MYO3B: variants seen among roughly 807,000 people sequenced by gnomAD.
MYO3B encodes myosin-IIIb.
A neutral mutation model predicts 174.6 loss-of-function variants in MYO3B; 156 were observed. The observed-to-expected ratio is 0.89, with a 90% CI of 0.78 to 1.02. The LOEUF (loss-of-function observed/expected upper bound fraction) is 1.02, where lower values mean the gene tolerates loss of function less well. MYO3B is among the 50% of genes least tolerant of loss of function. The pLI is 0.00. For synonymous variants in MYO3B, 563 were observed against 569.1 expected, an observed-to-expected ratio of 0.99 and a Z score of 0.15; for missense variants, 1,632 against 1,639.4, an observed-to-expected ratio of 1.00 and a Z score of 0.08.
chr2:170,402,788 T>C, intron 18 of MYO3B, 60 bp from the exon 19 acceptor site: 1 of 1,499,390 alleles, frequency 6.7e-7, no homozygotes. Flanking sequence ...ACATATATTC[T>C]CATCCTCTTT....
At chr2:170,622,875 A>G (rs537887003) in intron 32 of MYO3B, among the ~76,000 whole-genome samples, 1 of 152,220 alleles carries the variant, frequency 6.6e-6, no homozygotes, top group African/African-American at 2.4e-5. Flanking sequence ...TTCCAGCTTC[A>G]TCCATGTCCC....
intron 9 of MYO3B, among the ~76,000 whole-genome samples, chr2:170,379,869 A>G (rs1401297664): frequency 1.3e-5 from 2 of 152,248 alleles, no homozygotes; most frequent in East Asian, 3.8e-4. Context: ...CAAATTTATC[A>G]GTGATGGAGA....
At chr2:170,504,587 T>A (rs533959212) in intron 28 of MYO3B, among the ~76,000 whole-genome samples, 85 of 152,208 alleles carry the variant, frequency 5.6e-4, no homozygotes, top group Non-Finnish European at 1.1e-3. Context: ...AATTAATTCT[T>A]GCTGGTATGC....
At chr2:170,640,455 C>T (rs375067718) in intron 32 of MYO3B, 2 of 152,182 alleles carry the variant, frequency 1.3e-5, no homozygotes, top group Non-Finnish European at 2.9e-5. Flanking sequence ...TTATCATACT[C>T]CAGTTTTTCT....
intron 32 of MYO3B, among the ~76,000 whole-genome samples, chr2:170,579,825 A>G (rs1291724525): frequency 6.6e-6 from 1 of 152,214 alleles, no homozygotes; most frequent in Non-Finnish European, 1.5e-5. Context: ...AGTGCCTCTG[A>G]TGACCATACG....
chr2:170,497,278 G>A (rs970171788), intron 25 of MYO3B, among the ~76,000 whole-genome samples: 2 of 152,068 alleles, frequency 1.3e-5, no homozygotes, highest in Admixed American at 6.5e-5. Context: ...TTTCGATTCT[G>A]TTTCTCCACA....
intron 22 of MYO3B, among the ~76,000 whole-genome samples, chr2:170,412,710 T>C (rs1374345126): frequency 6.6e-6 from 1 of 152,208 alleles, no homozygotes; most frequent in African/African-American, 2.4e-5. Flanking sequence ...TATCCATCTC[T>C]CAGTTTCCAT....
At chr2:170,537,820 C>T (rs1380299420) in intron 30 of MYO3B, among the ~76,000 whole-genome samples, 1 of 152,124 alleles carries the variant, frequency 6.6e-6, no homozygotes, top group East Asian at 1.9e-4. Flanking sequence ...GATTGCCTTT[C>T]TTTTGGGGCT....
chr2:170,404,500 T>G, intron 20 of MYO3B, 100 bp downstream of exon 20: 1 of 1,255,860 alleles, frequency 8.0e-7, no homozygotes, highest in Non-Finnish European at 1.1e-6. Context: ...CATATTTTGT[T>G]TATATGGTGG....
chr2:170,473,020 G>A (rs1228881564), intron 25 of MYO3B, among the ~76,000 whole-genome samples: 1 of 151,606 alleles, frequency 6.6e-6, no homozygotes, highest in African/African-American at 2.4e-5. Flanking sequence ...CTTTATGTCT[G>A]TATTGTCCGA....
intron 8 of MYO3B, among the ~76,000 whole-genome samples, chr2:170,356,082 T>C (rs951859695): frequency 3.9e-5 from 6 of 152,154 alleles, no homozygotes; most frequent in African/African-American, 1.2e-4. Flanking sequence ...TGCCTCAGCC[T>C]CCCAAGTAGC....
intron 8 of MYO3B, among the ~76,000 whole-genome samples, chr2:170,345,960 A>G (rs1048007291): frequency 1.3e-5 from 2 of 152,046 alleles, no homozygotes; most frequent in Non-Finnish European, 2.9e-5. Context: ...CCCTGCCGAC[A>G]TCTTGATCTT....
At chr2:170,307,534 C>T (rs967757908) in intron 7 of MYO3B, among the ~76,000 whole-genome samples, 2 of 152,144 alleles carry the variant, frequency 1.3e-5, no homozygotes, top group African/African-American at 4.8e-5. Flanking sequence ...CTGTGAAATT[C>T]TATTTTAGTG....
chr2:170,549,259 G>T (rs934756375), intron 32 of MYO3B, among the ~76,000 whole-genome samples: 3 of 152,138 alleles, frequency 2.0e-5, no homozygotes, highest in African/African-American at 7.2e-5. Context: ...TTTTCTTCCT[G>T]TCTACAGGGA....
intron 1 of MYO3B, among the ~76,000 whole-genome samples, chr2:170,186,890 T>G (rs1231469661): frequency 4.6e-5 from 7 of 152,098 alleles, no homozygotes; most frequent in African/African-American, 1.7e-4. Flanking sequence ...TATTCTAGAT[T>G]TTTCCAATTT....
At chr2:170,638,248 A>G (rs1559188555) in intron 32 of MYO3B, among the ~76,000 whole-genome samples, 1 of 152,140 alleles carries the variant, frequency 6.6e-6, no homozygotes, top group Non-Finnish European at 1.5e-5. Context: ...CAGCTGTGCA[A>G]TATTAATCTA....
At chr2:170,382,831 G>T in intron 10 of MYO3B, 1 of 329,634 alleles carries the variant, frequency 3.0e-6, no homozygotes, top group Non-Finnish European at 5.5e-6. Flanking sequence ...GGATATCTCA[G>T]TGTCTTTTAG....
intron 8 of MYO3B, chr2:170,344,043 C>T (rs1574821301): frequency 1.3e-5 from 2 of 152,360 alleles, no homozygotes; most frequent in East Asian, 3.9e-4. Context: ...GGCTCCTGCC[C>T]TCAGGCTGCC....
intron 1 of MYO3B, among the ~76,000 whole-genome samples, chr2:170,194,050 G>C (rs1308461186): frequency 6.6e-6 from 1 of 151,966 alleles, no homozygotes; most frequent in African/African-American, 2.4e-5. Context: ...TTTTACTAGG[G>C]CTTCACATTT....
Sources: gnomAD v4.1 joint callset for allele counts (sites outside exome capture counted in the v4.1 genomes callset) on GRCh38, gnomAD v4.1.1 for gene constraint, MANE v1.5 for transcripts, NCBI Gene and HGNC (gene_info 2026-07-23, HGNC 2026-07-21) for gene names.